Variants in KHDRBS2 observed in about 807,000 individuals in gnomAD.
The protein encoded by KHDRBS2 is KH domain-containing, RNA-binding, signal transduction-associated protein 2.
A neutral mutation model predicts 44.3 loss-of-function variants in KHDRBS2; 26 were observed. The observed-to-expected ratio is 0.59, with a 90% confidence interval of 0.43 to 0.81. KHDRBS2 has a LOEUF of 0.81. Ranked by LOEUF, KHDRBS2 falls within the 40% of genes least tolerant of loss-of-function variation. KHDRBS2 has a pLI of 0.00. For synonymous variants in KHDRBS2, 194 were observed against 151.1 expected, an observed-to-expected ratio of 1.28 and a Z score of -2.08; for missense variants, 476 against 433.1, an observed-to-expected ratio of 1.10 and a Z score of -0.88.
At chr6:61,623,772 C>T in the KHDRBS2 span, among the ~76,000 whole-genome samples, 13 of 152,086 alleles carry the variant, frequency 8.5e-5, no homozygotes, top group Admixed American at 2.0e-4. Context: ...CCCCTATGAC[C>T]GACTGAAGAA....
intron 3 of KHDRBS2, among the ~76,000 whole-genome samples, chr6:61,994,824 G>C (rs529698152): frequency 6.6e-6 from 1 of 152,286 alleles, no homozygotes; most frequent in Admixed American, 6.5e-5. Context: ...CAGAGTGCGT[G>C]TGGGGTCTTC....
At chr6:62,184,152 T>C (rs1388754120) in intron 1 of KHDRBS2, among the ~76,000 whole-genome samples, 1 of 151,790 alleles carries the variant, frequency 6.6e-6, no homozygotes, top group Non-Finnish European at 1.5e-5. Context: ...AATTTTCACA[T>C]GAAAATTTAG....
At chr6:61,857,579 T>A (rs1436909038) in intron 6 of KHDRBS2, among the ~76,000 whole-genome samples, 1 of 106,444 alleles carries the variant, frequency 9.4e-6, no homozygotes, top group Non-Finnish European at 2.1e-5. Context: ...TGTGATTATT[T>A]ACTTCATATT....
chr6:62,041,188 G>C (rs1786406419), intron 3 of KHDRBS2, among the ~76,000 whole-genome samples: 1 of 151,940 alleles, frequency 6.6e-6, no homozygotes, highest in African/African-American at 2.4e-5. Flanking sequence ...AAAATTAGCA[G>C]GGCATGGTGG....
chr6:61,646,149 T>G, the KHDRBS2 span, among the ~76,000 whole-genome samples: 1 of 152,342 alleles, frequency 6.6e-6, no homozygotes, highest in South Asian at 2.1e-4. Context: ...CACTCTATGG[T>G]GTGATCTTGG....
intron 7 of KHDRBS2, among the ~76,000 whole-genome samples, chr6:61,727,341 A>C (rs1227009738): frequency 2.0e-5 from 3 of 152,220 alleles, no homozygotes; most frequent in African/African-American, 7.2e-5. Context: ...AAGAAGAGCT[A>C]GGCAATACTA....
In KHDRBS2 at chr6:61,847,598, G is replaced by A. The variant is rs1461474440; in HGVS notation, c.810+47037C>T. Among the ~76,000 whole-genome samples the A allele has an allele frequency of 7.2e-5, 11 of 152,116 alleles. No homozygotes were observed. The South Asian group carries it at 1.5e-3, about 20-fold the overall frequency. On this transcript the variant is annotated intron_variant, in intron 6 of 8. Transcript: ENST00000281156. ...ATTGTTTATGTTCGAAAACATGTAC[G>A]TAACAGGATGTATCTGCTTAGCTAT...
chr6:61,854,265 GT>G (rs1310514989), intron 6 of KHDRBS2, among the ~76,000 whole-genome samples: 2 of 151,650 alleles, frequency 1.3e-5, no homozygotes, highest in Admixed American at 6.6e-5. Context: ...TGATTTTTAA[GT>G]TTCTTATTTC....
intron 2 of KHDRBS2, among the ~76,000 whole-genome samples, chr6:62,077,681 T>C (rs562722537): frequency 6.6e-6 from 1 of 152,116 alleles, no homozygotes; most frequent in East Asian, 1.9e-4. Context: ...TGCCTTTTGA[T>C]TGAACTACCG....
At chr6:61,829,986 T>C (rs1728439626) in intron 6 of KHDRBS2, among the ~76,000 whole-genome samples, 1 of 152,200 alleles carries the variant, frequency 6.6e-6, no homozygotes, top group African/African-American at 2.4e-5. Context: ...TTCAAGGGAA[T>C]TAACTATTTA....
intron 6 of KHDRBS2, among the ~76,000 whole-genome samples, chr6:61,824,405 G>A (rs1474977980): frequency 1.3e-5 from 2 of 152,074 alleles, no homozygotes; most frequent in African/African-American, 4.8e-5. Flanking sequence ...ATGTGAAGAT[G>A]TGCTTGCTTC....
At chr6:62,044,502 A>AAAAGAAAAAG (rs1316082554) in intron 3 of KHDRBS2, among the ~76,000 whole-genome samples, 5 of 152,074 alleles carry the variant, frequency 3.3e-5, no homozygotes, top group Non-Finnish European at 5.9e-5. Context: ...GTCAGAAAAA[A>AAAAGAAAAAG]AAAGAAAAAG....
the KHDRBS2 span, among the ~76,000 whole-genome samples, chr6:61,546,517 T>C: frequency 6.6e-6 from 1 of 152,178 alleles, no homozygotes; most frequent in African/African-American, 2.4e-5. Context: ...TTCTATGGCA[T>C]ATTTCTAGTC....
At chr6:61,909,964 G>C (rs1466950728) in intron 4 of KHDRBS2, among the ~76,000 whole-genome samples, 1 of 152,190 alleles carries the variant, frequency 6.6e-6, no homozygotes. Flanking sequence ...CTCAGCTCTG[G>C]CAATGCCAAG....
chr6:62,041,852 T>C (rs2127300185), intron 3 of KHDRBS2, among the ~76,000 whole-genome samples: 1 of 152,226 alleles, frequency 6.6e-6, no homozygotes, highest in East Asian at 1.9e-4. Flanking sequence ...TTGAAGCTTA[T>C]GAAGAACTTG....
chr6:61,578,615 A>T, the KHDRBS2 span, among the ~76,000 whole-genome samples: 1 of 152,176 alleles, frequency 6.6e-6, no homozygotes, highest in Non-Finnish European at 1.5e-5. Flanking sequence ...AATTGGATTC[A>T]TCAAATAAGA....
chr6:61,909,368 C>T (rs554842644), intron 4 of KHDRBS2, among the ~76,000 whole-genome samples: 96 of 152,172 alleles, frequency 6.3e-4, no homozygotes, highest in African/African-American at 2.2e-3. Flanking sequence ...CGTGCCTGGC[C>T]TCATAGATAT....
intron 2 of KHDRBS2, among the ~76,000 whole-genome samples, chr6:62,103,454 T>C (rs208979): frequency 0.81 from 123,259 of 152,188 alleles, 50,632 homozygotes; most frequent in African/African-American, 0.95. Context: ...TTGGTCACAA[T>C]GTTGTTCTGC....
intron 1 of KHDRBS2, among the ~76,000 whole-genome samples, chr6:62,214,507 C>T (rs1251982497): frequency 6.8e-6 from 1 of 147,398 alleles, no homozygotes; most frequent in African/African-American, 2.4e-5. Context: ...GACCAATCCT[C>T]CCACAGATAA....
Sources: gnomAD v4.1 joint callset for allele counts (sites outside exome capture counted in the v4.1 genomes callset) on GRCh38, gnomAD v4.1.1 for gene constraint, MANE v1.5 for transcripts, NCBI Gene and HGNC (gene_info 2026-07-23, HGNC 2026-07-21) for gene names.